Variants in NAALADL2 observed in about 807,000 individuals in gnomAD.
NAALADL2 encodes N-acetylated alpha-linked acidic dipeptidase like 2.
Under a neutral mutation model 87.2 loss-of-function variants are expected in NAALADL2, and 76 were observed. That is an observed-to-expected ratio of 0.87 (90% CI 0.72 to 1.05). The LOEUF is 1.05. NAALADL2 is among the 50% of genes least tolerant of loss of function. The pLI is 0.00. For missense variants in NAALADL2, 1,089 were observed against 945.8 expected (o/e 1.15, Z -1.99); for synonymous variants, 354 against 331.0 (o/e 1.07, Z -0.75).
intron 13 of NAALADL2, among the ~76,000 whole-genome samples, chr3:175,781,248 AAGAT>A (rs1264945187): frequency 5.9e-5 from 9 of 152,192 alleles, no homozygotes; most frequent in Non-Finnish European, 1.2e-4. Context: ...GAGTGTGTCT[AAGAT>A]AGTACACAAA....
At chr3:174,851,073 G>A (rs1047803110) in intron 3 of NAALADL2, among the ~76,000 whole-genome samples, 1 of 151,940 alleles carries the variant, frequency 6.6e-6, no homozygotes, top group Non-Finnish European at 1.5e-5. Flanking sequence ...AATGAAAATG[G>A]ACACGCAACA....
At chr3:175,130,878 T>G (rs976691529) in intron 2 of NAALADL2, among the ~76,000 whole-genome samples, 2 of 152,230 alleles carry the variant, frequency 1.3e-5, no homozygotes, top group Non-Finnish European at 2.9e-5. Context: ...AAGATTACTT[T>G]GGCTGTTCAC....
chr3:175,253,976 C>CT (rs1213185975), intron 3 of NAALADL2, among the ~76,000 whole-genome samples: 3 of 152,120 alleles, frequency 2.0e-5, no homozygotes, highest in Non-Finnish European at 4.4e-5. Flanking sequence ...CTTCTAGACT[C>CT]TATCTTTCCA....
chr3:175,701,885 T>A (rs1272698498), intron 11 of NAALADL2, among the ~76,000 whole-genome samples: 1 of 152,212 alleles, frequency 6.6e-6, no homozygotes, highest in East Asian at 1.9e-4. Context: ...TTGTTGCGAA[T>A]TGCATATTTA....
intron 5 of NAALADL2, among the ~76,000 whole-genome samples, chr3:175,388,653 C>T (rs1449679309): frequency 6.6e-6 from 1 of 152,028 alleles, no homozygotes; most frequent in African/African-American, 2.4e-5. Flanking sequence ...ACAGTGAATT[C>T]CTTTTTAAAC....
intron 11 of NAALADL2, among the ~76,000 whole-genome samples, chr3:175,727,338 A>T (rs1743074932): frequency 6.6e-6 from 1 of 152,062 alleles, no homozygotes; most frequent in Non-Finnish European, 1.5e-5. Flanking sequence ...ACTATCCAAA[A>T]TGCTGTTTTC....
chr3:174,476,523 T>G (rs1332080583), intron 1 of NAALADL2, among the ~76,000 whole-genome samples: 1 of 152,022 alleles, frequency 6.6e-6, no homozygotes, highest in Admixed American at 6.6e-5. Context: ...TTTTCAATGC[T>G]TATTCAAATG....
intron 1 of NAALADL2, among the ~76,000 whole-genome samples, chr3:175,086,746 A>C (rs2108283438): frequency 6.6e-6 from 1 of 152,222 alleles, no homozygotes; most frequent in Non-Finnish European, 1.5e-5. Flanking sequence ...GTCTTTAGTA[A>C]ATTGTTTAGT....
chr3:174,998,927 T>C (rs1747878852), intron 1 of NAALADL2, among the ~76,000 whole-genome samples: 1 of 152,196 alleles, frequency 6.6e-6, no homozygotes, highest in Admixed American at 6.5e-5. Context: ...GAATTAAAAC[T>C]ATCAACCTTA....
intron 1 of NAALADL2, among the ~76,000 whole-genome samples, chr3:174,981,918 G>A (rs975868365): frequency 1.5e-4 from 23 of 152,092 alleles, no homozygotes; most frequent in Admixed American, 9.2e-4. Flanking sequence ...CGAAAAGAGC[G>A]GCTCCTCCCT....
At chr3:175,406,552 T>C (rs1436982216) in intron 5 of NAALADL2, among the ~76,000 whole-genome samples, 4 of 152,208 alleles carry the variant, frequency 2.6e-5, no homozygotes, top group African/African-American at 7.2e-5. Flanking sequence ...GCAAAGTATG[T>C]CAGTGTTAAT....
intron 11 of NAALADL2, among the ~76,000 whole-genome samples, chr3:175,644,548 G>C (rs1473712821): frequency 6.6e-6 from 1 of 151,822 alleles, no homozygotes; most frequent in East Asian, 1.9e-4. Flanking sequence ...ATATCAAGAT[G>C]ATGTAGATGT....
chr3:174,730,951 CATA>C (rs1178307066), intron 2 of NAALADL2, among the ~76,000 whole-genome samples: 5 of 152,042 alleles, frequency 3.3e-5, no homozygotes, highest in South Asian at 2.1e-4. Context: ...TAAGTTTGAA[CATA>C]ATTATTTTGT....
chr3:174,928,518 G>C (rs1323379941), intron 1 of NAALADL2, among the ~76,000 whole-genome samples: 1 of 152,130 alleles, frequency 6.6e-6, no homozygotes, highest in African/African-American at 2.4e-5. Flanking sequence ...GGTATTACAG[G>C]CGTGAGCCAC....
intron 1 of NAALADL2, among the ~76,000 whole-genome samples, chr3:174,896,985 A>C (rs923229962): frequency 6.6e-6 from 1 of 152,172 alleles, no homozygotes; most frequent in Non-Finnish European, 1.5e-5. Flanking sequence ...AAACAAATGA[A>C]ACTGTGTCTC....
At chr3:175,628,617 G>GTGTATA (rs775957344) in intron 11 of NAALADL2, among the ~76,000 whole-genome samples, 60 of 139,198 alleles carry the variant, frequency 4.3e-4, no homozygotes, top group African/African-American at 1.5e-3. Context: ...CTCTCTCTAT[G>GTGTATA]TATATATATA....
intron 2 of NAALADL2, among the ~76,000 whole-genome samples, chr3:174,602,713 A>T (rs879192644): frequency 1.3e-5 from 2 of 152,022 alleles, no homozygotes; most frequent in Admixed American, 1.3e-4. Flanking sequence ...TCCAGATCTT[A>T]AAAAAGACTT....
Position 175,205,828 on chromosome 3 carries a change from C to CAA in NAALADL2, c.546-28094_546-28093dup, listed in dbSNP as rs111857461. Among the ~76,000 whole-genome samples the CAA allele has an allele frequency of 1.4e-3, 197 of 143,920 alleles. 1 individual carries two copies. The highest frequency in any genetic ancestry group is 4.1e-3 in the African/African-American group (161 of 39,268). 94.4% of individuals were successfully genotyped at this position (143,920 alleles called of 152,430 possible). A position where few individuals can be genotyped will look rare whatever the true frequency, so the allele number is the denominator to read the frequency against. ...TCTCAAAAGAAGATATACAAATGGC[C>CAA]AAAAAAAAAATGAAAAAATGCCCAA... is the stretch of plus-strand genomic sequence containing the variant. On this transcript the variant is annotated intron_variant, in intron 2 of 13. Coordinates refer to ENST00000454872, the MANE Select transcript of NAALADL2 (RefSeq NM_207015.3).
intron 10 of NAALADL2, among the ~76,000 whole-genome samples, chr3:175,589,914 T>C (rs1227629663): frequency 6.6e-6 from 1 of 151,926 alleles, no homozygotes; most frequent in Non-Finnish European, 1.5e-5. Context: ...TTTAAAAATA[T>C]ATATTTACCA....
Sources: gnomAD v4.1 joint callset for allele counts (sites outside exome capture counted in the v4.1 genomes callset) on GRCh38, gnomAD v4.1.1 for gene constraint, MANE v1.5 for transcripts, NCBI Gene and HGNC (gene_info 2026-07-23, HGNC 2026-07-21) for gene names.